The following STX8 variants were observed in gnomAD, a reference collection of about 807,000 sequenced individuals.
STX8 encodes syntaxin 8, also known as syntaxin-8.
A neutral mutation model predicts 37.5 loss-of-function variants in STX8; 23 were observed. That is an observed-to-expected ratio of 0.61 (90% CI 0.44 to 0.87). The LOEUF (loss-of-function observed/expected upper bound fraction) is 0.87. Among genes scored for constraint, STX8 ranks in the 40% least tolerant of loss-of-function variants. The pLI is 0.00. For missense variants in STX8, 313 were observed against 284.7 expected, an observed-to-expected ratio of 1.10 and a Z score of -0.71; for synonymous variants, 115 against 99.1, an observed-to-expected ratio of 1.16 and a Z score of -0.95.
chr17:9,269,557 A>T (rs914087107), intron 7 of STX8, among the ~76,000 whole-genome samples: 2 of 152,202 alleles, frequency 1.3e-5, no homozygotes, highest in Non-Finnish European at 2.9e-5. Flanking sequence ...AAATGATGTC[A>T]TCACCTTCTG....
At chr17:9,382,801 A>G (rs760707047) in intron 6 of STX8, among the ~76,000 whole-genome samples, 12 of 152,218 alleles carry the variant, frequency 7.9e-5, no homozygotes, top group Non-Finnish European at 1.6e-4. Flanking sequence ...AATTAAGGAA[A>G]ACACTTCTGA....
At chr17:9,479,310 G>A (rs1020895064) in intron 6 of STX8, among the ~76,000 whole-genome samples, 6 of 152,084 alleles carry the variant, frequency 3.9e-5, no homozygotes, top group Admixed American at 3.3e-4. Context: ...GAGGTGGGTG[G>A]ATCACCTGAG....
intron 7 of STX8, among the ~76,000 whole-genome samples, chr17:9,361,912 C>A (rs1255017464): frequency 3.3e-5 from 5 of 152,180 alleles, no homozygotes; most frequent in African/African-American, 7.2e-5. Context: ...AAACCACGCA[C>A]GCCTCCATTT....
At chr17:9,448,739 C>A (rs1343844277) in intron 6 of STX8, among the ~76,000 whole-genome samples, 2 of 152,012 alleles carry the variant, frequency 1.3e-5, no homozygotes, top group Admixed American at 1.3e-4. Flanking sequence ...CTGTATTTCC[C>A]CTAAGAACAG....
chr17:9,278,405 C>T (rs950522268), intron 7 of STX8, among the ~76,000 whole-genome samples: 8 of 151,658 alleles, frequency 5.3e-5, no homozygotes, highest in East Asian at 1.9e-4. Context: ...GCTGAGATCA[C>T]GCCATTTCAC....
intron 7 of STX8, among the ~76,000 whole-genome samples, chr17:9,296,918 T>G (rs527483602): frequency 3.9e-5 from 6 of 152,278 alleles, no homozygotes; most frequent in African/African-American, 1.4e-4. Context: ...TCTCATTATT[T>G]TTTTCAACAT....
At chr17:9,378,190 CAATT>C (rs1382778706) in intron 7 of STX8, 1 of 184,780 alleles carries the variant, frequency 5.4e-6, no homozygotes, top group African/African-American at 2.4e-5. Flanking sequence ...GATTTGAACT[CAATT>C]AAGCTTGTGG....
At chr17:9,530,517 C>A (rs1306166060) in intron 4 of STX8, among the ~76,000 whole-genome samples, 1 of 152,174 alleles carries the variant, frequency 6.6e-6, no homozygotes, top group African/African-American at 2.4e-5. Context: ...TTAATTTTAG[C>A]CATTCTTGTA....
intron 6 of STX8, among the ~76,000 whole-genome samples, chr17:9,429,983 T>TATATTAC (rs1251857107): frequency 5.3e-5 from 1 of 18,984 alleles, no homozygotes; most frequent in Non-Finnish European, 7.5e-5. Flanking sequence ...TTATATAGAA[T>TATATTAC]ATATTATATA....
At position 9,557,589 on chromosome 17, in the gene STX8, CA is replaced by C. The variant is rs1313434820; in HGVS notation, c.118-62del. Reference sequence around the variant, plus strand: ...CCAGAATGTAGAATCCACAAAATTACATCACGTAAACACTACTTCACGGGCT... The same window carrying C: ...CCAGAATGTAGAATCCACAAAATTACTCACGTAAACACTACTTCACGGGCT... On this transcript the variant is annotated intron_variant, in intron 2 of 7. Coordinates refer to ENST00000306357, the MANE Select transcript of STX8 (RefSeq NM_004853.3). The C allele has an allele frequency of 8.3e-6, 12 of 1,454,090 alleles. No individual in the cohort carries two copies. The East Asian group carries it at 2.3e-4, about 28-fold the overall frequency. 90.1% of individuals were successfully genotyped at this position (1,454,090 alleles called of 1,614,324 possible). A position where few individuals can be genotyped will look rare whatever the true frequency, so the allele number is the denominator to read the frequency against.
chr17:9,391,783 A>C (rs568838299), intron 6 of STX8, among the ~76,000 whole-genome samples: 1 of 152,278 alleles, frequency 6.6e-6, no homozygotes, highest in South Asian at 2.1e-4. Context: ...TAGGGTAACT[A>C]AAGTCCTAGA....
rs145966905 is a variant in STX8 at position 9,404,680 on chromosome 17, C to T, written c.542-26027G>A. Among the ~76,000 whole-genome samples the T allele has an allele frequency of 4.1e-3, 624 of 152,268 alleles. 6 individuals carry two copies. The highest frequency in any genetic ancestry group is 0.014 in the African/African-American group (587 of 41,552). On this transcript the variant is annotated intron_variant, in intron 6 of 7. Coordinates refer to ENST00000306357, the MANE Select transcript of STX8 (RefSeq NM_004853.3). ...ATGTTGGCCAGGATGGTTTCGATCT[C>T]CTGACCTCGTGATCTGCCTGCCTTG...
chr17:9,447,207 A>AG (rs1236267585), intron 6 of STX8, among the ~76,000 whole-genome samples: 1 of 152,150 alleles, frequency 6.6e-6, no homozygotes, highest in Non-Finnish European at 1.5e-5. Flanking sequence ...TAAGCAATGG[A>AG]GGTTTGGTAA....
chr17:9,495,747 A>T (rs1904368228), intron 5 of STX8, among the ~76,000 whole-genome samples: 1 of 152,252 alleles, frequency 6.6e-6, no homozygotes, highest in Non-Finnish European at 1.5e-5. Context: ...AGATTCAGAT[A>T]ATCGAGATGC....
chr17:9,366,127 C>A (rs1236181846), intron 7 of STX8, among the ~76,000 whole-genome samples: 2 of 152,250 alleles, frequency 1.3e-5, no homozygotes, highest in Non-Finnish European at 2.9e-5. Context: ...TTGATCCCAG[C>A]CAGACAGGCT....
At position 9,545,134 on chromosome 17, in the gene STX8, C is replaced by T. The variant is rs149492684; in HGVS notation, c.323+38G>A. On this transcript the variant is annotated intron_variant, in intron 4 of 7. Transcript: ENST00000306357. ...GCTGTAGTATCTGCAAAGAAGTCTTCGCCCACCAAGTAATCCCTGTAAATA... is the reference window on the plus strand; with the variant it reads ...GCTGTAGTATCTGCAAAGAAGTCTTTGCCCACCAAGTAATCCCTGTAAATA... 66 of 1,430,544 alleles carry T rather than the reference C, an allele frequency of 4.6e-5. 1 individual carries two copies. Among genetic ancestry groups the T allele is most frequent in the African/African-American group, 3.5e-4 (25 of 71,274 alleles). The allele number at this position is 1,430,544 out of a possible 1,614,324, so 88.6% of individuals were successfully genotyped here.
At position 9,250,485 on chromosome 17, in the gene STX8, G is replaced by A; in HGVS notation, c.*93C>T. 9.3e-6 allele frequency: 11 copies of A among 1,184,834 alleles called. 1 individual carries two copies. In the South Asian group the frequency reaches 1.4e-4, roughly 15 times the overall value. 73.4% of individuals were successfully genotyped at this position (1,184,834 alleles called of 1,614,324 possible). On this transcript the variant is annotated 3_prime_UTR_variant, in exon 8 of 8. Transcript: ENST00000306357. ...TGCACAAGAGGTCAGAGCTTTGGGG[G>A]AATTTATTGAGAGCAGGTTTTGCGT...
At chr17:9,459,585 G>A (rs528176476) in intron 6 of STX8, among the ~76,000 whole-genome samples, 5 of 152,224 alleles carry the variant, frequency 3.3e-5, no homozygotes, top group East Asian at 1.9e-4. Flanking sequence ...GCATGATCTC[G>A]GCTCACTGCA....
Position 9,362,840 on chromosome 17 carries a change from A to AT in STX8, c.643+15711_643+15712insA, listed in dbSNP as rs546458056. Among the ~76,000 whole-genome samples the AT allele has an allele frequency of 7.1e-3, 825 of 115,474 alleles. 6 individuals are homozygous for AT. Among genetic ancestry groups the AT allele is most frequent in the Middle Eastern group, 0.025 (6 of 236 alleles). The allele number at this position is 115,474 out of a possible 152,430, so 75.8% of individuals were successfully genotyped here. ...TGAGACTCCGTCTCAAAAAAAAAAA[A>AT]AAATAAATAAATAAATAAATAAATA... On this transcript the variant is annotated intron_variant, in intron 7 of 7. Transcript: ENST00000306357.
Sources: allele counts gnomAD v4.1 joint callset (sites outside exome capture counted in the v4.1 genomes callset), GRCh38; gene constraint gnomAD v4.1.1; transcripts MANE v1.5; gene names NCBI Gene and HGNC (gene_info 2026-07-23, HGNC 2026-07-21).